Variants in ZNF160 observed in about 807,000 individuals in gnomAD.
ZNF160 encodes KRAB zinc finger protein KR18.
A neutral mutation model predicts 13.1 loss-of-function variants in ZNF160; 9 were observed. The ratio of observed to expected loss-of-function variants is 0.69; its 90% CI spans 0.41 to 1.20. The LOEUF is 1.20. ZNF160 is among the 50% of genes most tolerant of loss of function. ZNF160 has a pLI of 0.01. For missense variants in ZNF160, 838 were observed against 988.0 expected (o/e 0.85, Z 2.04); for synonymous variants, 293 against 333.2 (o/e 0.88, Z 1.31).
At position 53,068,360 on chromosome 19, in the gene ZNF160, G is replaced by A. The variant is rs1280303672; in HGVS notation, c.2174C>T (p.Ala725Val). ...GTAAGGTTTTTTCCCAGTATGGATT[G>A]CCTGATGGGTGGTTAGGCTTGAACG... ...SVRSSLTTHQ[A>V]IHTGKKPYKC... Residue 725 changes from alanine (A) to valine (V), a missense_variant, in exon 6 of 6, where the codon GCA (alanine) becomes GTA (valine). Around this residue, in one of 3 missense-constraint regions of ZNF160, gnomAD observed 400 missense variants for 538.9 expected, o/e 0.74. Transcript: ENST00000683776. 1.2e-6 allele frequency: 2 copies of A among 1,613,914 alleles called. No homozygotes were observed. Among genetic ancestry groups the A allele is most frequent in the South Asian group, 1.1e-5 (1 of 91,080 alleles).
At chr19:53,077,747 T>C (rs1443791753) in intron 3 of ZNF160, among the ~76,000 whole-genome samples, 1 of 145,320 alleles carries the variant, frequency 6.9e-6, no homozygotes, top group East Asian at 2.0e-4. Context: ...CACAAAGTAA[T>C]ACTAAAGAAG....
At chr19:53,073,780 C>A (rs2084273823) in intron 5 of ZNF160, among the ~76,000 whole-genome samples, 1 of 149,512 alleles carries the variant, frequency 6.7e-6, no homozygotes, top group Non-Finnish European at 1.5e-5. Context: ...GAGAGTTTCC[C>A]ACTTTATTTA....
chr19:53,102,001 C>T (rs2085463383), intron 1 of ZNF160, among the ~76,000 whole-genome samples: 1 of 152,146 alleles, frequency 6.6e-6, no homozygotes, highest in African/African-American at 2.4e-5. Context: ...GTGTTCCTCT[C>T]CCCCATTTTG....
At chr19:53,097,976 T>TA (rs2085298946) in intron 1 of ZNF160, among the ~76,000 whole-genome samples, 4 of 152,178 alleles carry the variant, frequency 2.6e-5, no homozygotes, top group Admixed American at 2.0e-4. Context: ...TAAGTACACT[T>TA]CGGGATGTTT....
At chr19:53,092,123 A>C (rs538512377) in intron 1 of ZNF160, among the ~76,000 whole-genome samples, 213 of 152,348 alleles carry the variant, frequency 1.4e-3, no homozygotes, top group African/African-American at 4.9e-3. Flanking sequence ...GCATTCCAAA[A>C]GTACTTGAAG....
At position 53,068,544 on chromosome 19, in the gene ZNF160, G is replaced by A. The variant is rs777341049; in HGVS notation, c.1990C>T (p.Leu664=). 12 of 1,614,088 alleles carry A rather than the reference G, an allele frequency of 7.4e-6. No homozygotes were observed. Among genetic ancestry groups the A allele is most frequent in the Non-Finnish European group, 1.0e-5 (12 of 1,180,032 alleles). Residue 664 remains leucine (L), a synonymous_variant, in exon 6 of 6, where the codon CTA becomes TTA. Transcript: ENST00000683776. ...GTATGGATGACCTTATGGGTAGTTA[G>A]GTTTGAATGCATACTAAAGGCTTTC... The part of the protein sequence containing the change: ...CGKAFSMHSN[L]TTHKVIHTGE...
chr19:53,075,832 C>T, intron 3 of ZNF160: 1 of 518,856 alleles, frequency 1.9e-6, no homozygotes, highest in Non-Finnish European at 3.8e-6. Context: ...CAATTCACAG[C>T]TGGTCATTGA....
chr19:53,090,090 A>C (rs1168237950), intron 2 of ZNF160, among the ~76,000 whole-genome samples: 20 of 92,684 alleles, frequency 2.2e-4, no homozygotes, highest in Admixed American at 5.2e-4. Flanking sequence ...CCTTGTCCCC[A>C]CTCTCTGGCA....
intron 5 of ZNF160, among the ~76,000 whole-genome samples, chr19:53,073,808 G>A (rs946997806): frequency 1.3e-5 from 2 of 151,172 alleles, no homozygotes; most frequent in Non-Finnish European, 1.5e-5. Context: ...ATTTTGAGAC[G>A]GAGTTTTGTT....
chr19:53,079,475 G>A (rs1423990737), intron 3 of ZNF160, among the ~76,000 whole-genome samples: 4 of 148,746 alleles, frequency 2.7e-5, no homozygotes, highest in East Asian at 2.0e-4. Flanking sequence ...TCTTGAACCC[G>A]AGAGGCGGAG....
rs761852919 is a variant in ZNF160 at position 53,068,865 on chromosome 19, C to T, written c.1669G>A (p.Gly557Arg). The change falls in exon 6 of 6, where the codon GGA becomes AGA. Residue 557 changes from glycine (G) to arginine (R), a missense_variant. By Grantham distance (125) the Gly-to-Arg change is moderately radical. Transcript: ENST00000683776. The part of the protein sequence containing the change: ...TQKSHLRSHR[G>R]IHSGEKPYKC... ...TAAGGTTTCTCTCCAGAATGAATTC[C>T]CCGATGACTTCTAAGGTGTGATTTT... 6.2e-7 allele frequency: 1 copy of T among 1,612,284 alleles called. No individual in the cohort carries two copies. The highest frequency in any genetic ancestry group is 1.3e-5 in the African/African-American group (1 of 74,346).
chr19:53,092,008 C>G (rs193043210), intron 1 of ZNF160, among the ~76,000 whole-genome samples: 1 of 152,338 alleles, frequency 6.6e-6, no homozygotes, highest in East Asian at 1.9e-4. Context: ...TCCCATTCCA[C>G]TCTTGAGATG....
rs574945767 is a variant in ZNF160, at chr19:53,099,090, A to C, written c.-354+4175T>G. On this transcript the variant is annotated intron_variant, in intron 1 of 5. Transcript: ENST00000683776. ...CAGGTGCTGCAGTCGTCCCGTGGCC[A>C]AGATGGAGACACAAAACACTCAAAA... Among the ~76,000 whole-genome samples the C allele has an allele frequency of 3.9e-3, 418 of 107,246 alleles. 8 individuals are homozygous for C. The highest frequency in any genetic ancestry group is 6.0e-3 in the Non-Finnish European group (322 of 53,310). 70.4% of individuals were successfully genotyped at this position (107,246 alleles called of 152,430 possible). A position where few individuals can be genotyped will look rare whatever the true frequency, so the allele number is the denominator to read the frequency against.
chr19:53,082,271 T>C (rs2084662316), intron 3 of ZNF160, among the ~76,000 whole-genome samples: 1 of 152,110 alleles, frequency 6.6e-6, no homozygotes, highest in African/African-American at 2.4e-5. Flanking sequence ...AATAAATAGT[T>C]TAAAATGAAT....
chr19:53,084,334 G>A (rs1331344140), intron 3 of ZNF160, among the ~76,000 whole-genome samples: 9 of 152,218 alleles, frequency 5.9e-5, no homozygotes, highest in Admixed American at 5.2e-4. Context: ...TGCTCCAAAA[G>A]CAATGCAGTA....
intron 1 of ZNF160, among the ~76,000 whole-genome samples, chr19:53,101,968 C>T (rs942405046): frequency 6.6e-6 from 1 of 152,094 alleles, no homozygotes; most frequent in Non-Finnish European, 1.5e-5. Flanking sequence ...GGCCCCAGGG[C>T]GCCCCTCTTT....
rs538549314 is a variant in ZNF160 at position 53,097,864 on chromosome 19, G to A, written c.-354+5401C>T. Among the ~76,000 whole-genome samples the A allele has an allele frequency of 4.6e-5, 7 of 152,224 alleles. No individual in the cohort carries two copies. The South Asian group carries it at 1.5e-3, about 32-fold the overall frequency. On this transcript the variant is annotated intron_variant, in intron 1 of 5. Transcript: ENST00000683776. Reference sequence around the variant, plus strand: ...AAGCCTCCACAGAAATCACCCCGTGGAGCGGATGCTGTGGAGCAGCTCTGG... The same window carrying A: ...AAGCCTCCACAGAAATCACCCCGTGAAGCGGATGCTGTGGAGCAGCTCTGG...
chr19:53,076,763 C>G (rs1239222865), intron 3 of ZNF160: 1 of 152,250 alleles, frequency 6.6e-6, no homozygotes, highest in East Asian at 1.9e-4. Context: ...TGTGGGAAAT[C>G]TGGCAACCAC....
At chr19:53,092,067 T>C (rs2085055462) in intron 1 of ZNF160, among the ~76,000 whole-genome samples, 1 of 152,258 alleles carries the variant, frequency 6.6e-6, no homozygotes. Flanking sequence ...AATATGCTTA[T>C]GTCAATAATC....
Sources: gnomAD v4.1 joint callset for allele counts (sites outside exome capture counted in the v4.1 genomes callset) on GRCh38, gnomAD v4.1.1 for gene constraint, gnomAD v4.1.1 regional missense constraint, MANE v1.5 for transcripts, NCBI Gene and HGNC (gene_info 2026-07-23, HGNC 2026-07-21) for gene names.